PLCL1: variants seen among roughly 807,000 people sequenced by gnomAD.
The protein encoded by PLCL1 is phospholipase C like 1 (inactive), also known as inactive phospholipase C-like protein 1.
A neutral mutation model predicts 84.4 loss-of-function variants in PLCL1; 41 were observed. The observed-to-expected ratio is 0.49, with a 90% CI of 0.38 to 0.63. The LOEUF (loss-of-function observed/expected upper bound fraction) is 0.63, where lower values mean the gene tolerates loss of function less well. PLCL1 is among the 30% of genes least tolerant of loss of function. The pLI, the probability that PLCL1 is intolerant of heterozygous loss-of-function variation, is 0.00. For missense variants in PLCL1, 1,206 were observed against 1,367.8 expected (o/e 0.88, Z 1.87); for synonymous variants, 490 against 488.3 (o/e 1.00, Z -0.05).
intron 1 of PLCL1, among the ~76,000 whole-genome samples, chr2:197,974,663 C>G (rs893959799): frequency 2.6e-5 from 4 of 152,214 alleles, no homozygotes; most frequent in Non-Finnish European, 5.9e-5. Flanking sequence ...TGAATTAGTG[C>G]AGAGTTTAAT....
intron 1 of PLCL1, among the ~76,000 whole-genome samples, chr2:197,948,311 TG>T (rs1014098217): frequency 6.6e-6 from 1 of 152,188 alleles, no homozygotes; most frequent in Non-Finnish European, 1.5e-5. Flanking sequence ...AATTTTGTTT[TG>T]GATTTATTAA....
chr2:198,033,551 T>C (rs1691481610), intron 1 of PLCL1, among the ~76,000 whole-genome samples: 1 of 152,154 alleles, frequency 6.6e-6, no homozygotes, highest in African/African-American at 2.4e-5. Context: ...GGTATCTGAG[T>C]CTCTGTATTT....
intron 1 of PLCL1, among the ~76,000 whole-genome samples, chr2:197,974,359 G>A (rs1316197454): frequency 6.6e-6 from 1 of 152,164 alleles, no homozygotes; most frequent in Non-Finnish European, 1.5e-5. Context: ...ATAAGTAAAA[G>A]TTTAAACCAG....
At chr2:197,998,983 A>G (rs1271808985) in intron 1 of PLCL1, among the ~76,000 whole-genome samples, 2 of 152,218 alleles carry the variant, frequency 1.3e-5, no homozygotes, top group Non-Finnish European at 2.9e-5. Context: ...ATTCATTTTC[A>G]GAACTAGTGA....
intron 1 of PLCL1, among the ~76,000 whole-genome samples, chr2:197,809,500 T>G (rs1241426778): frequency 6.6e-6 from 1 of 152,188 alleles, no homozygotes; most frequent in South Asian, 2.1e-4. Flanking sequence ...GTTCAGAACA[T>G]TTGGAGGTTG....
intron 1 of PLCL1, among the ~76,000 whole-genome samples, chr2:197,957,832 G>T (rs1402251823): frequency 6.6e-6 from 1 of 151,904 alleles, no homozygotes; most frequent in Admixed American, 6.6e-5. Flanking sequence ...TGTGATAATT[G>T]TTGGTTTCCA....
chr2:197,998,680 A>G (rs1690526747), intron 1 of PLCL1, among the ~76,000 whole-genome samples: 1 of 152,178 alleles, frequency 6.6e-6, no homozygotes, highest in Admixed American at 6.5e-5. Context: ...CTCCACAGGC[A>G]GTTGCTCCAA....
intron 4 of PLCL1, among the ~76,000 whole-genome samples, chr2:198,103,564 C>CT (rs1491581595): frequency 6.6e-6 from 1 of 151,910 alleles, no homozygotes; most frequent in African/African-American, 2.4e-5. Context: ...ATAGAATTTA[C>CT]TTTTTTCCTT....
chr2:198,101,896 A>C (rs1025220052), intron 4 of PLCL1, among the ~76,000 whole-genome samples: 1 of 152,044 alleles, frequency 6.6e-6, no homozygotes, highest in Non-Finnish European at 1.5e-5. Flanking sequence ...CTGGATCCAC[A>C]ACCTTCTCTA....
intron 1 of PLCL1, among the ~76,000 whole-genome samples, chr2:197,903,649 ATTTTTTTTTTTTTTTTTT>A (rs11295926): frequency 1.4e-5 from 1 of 72,436 alleles, no homozygotes; most frequent in African/African-American, 5.5e-5. Flanking sequence ...ACGCCCAGCT[ATTTTTTTTTTTTTTTTTT>A]TTTTTTTTTG....
chr2:197,812,653 T>C (rs1690610824), intron 1 of PLCL1, among the ~76,000 whole-genome samples: 1 of 152,218 alleles, frequency 6.6e-6, no homozygotes, highest in Non-Finnish European at 1.5e-5. Context: ...AGGCAATATG[T>C]ATAAGCAGGC....
At chr2:197,878,605 C>T (rs1687777769) in intron 1 of PLCL1, among the ~76,000 whole-genome samples, 1 of 152,060 alleles carries the variant, frequency 6.6e-6, no homozygotes, top group South Asian at 2.1e-4. Flanking sequence ...CAGAAATTAT[C>T]TGTGATCCTG....
At chr2:198,092,847 T>C (rs1693081474) in intron 3 of PLCL1, among the ~76,000 whole-genome samples, 1 of 152,214 alleles carries the variant, frequency 6.6e-6, no homozygotes, top group African/African-American at 2.4e-5. Flanking sequence ...GTATATTTAT[T>C]ACTGTCACCT....
intron 1 of PLCL1, among the ~76,000 whole-genome samples, chr2:197,875,140 G>T (rs1157340254): frequency 2.0e-5 from 3 of 152,078 alleles, no homozygotes; most frequent in African/African-American, 4.8e-5. Flanking sequence ...ACAAAAACTA[G>T]CTGGGTGTGG....
rs149954398 is a variant in PLCL1 at position 197,963,289 on chromosome 2, G to A, written c.241-120469G>A. ...GGTTAAAAGCCATTTTAACTGGGGC[G>A]AGATGATATCTCATTGTAGTTTTGA... On this transcript the variant is annotated intron_variant, in intron 1 of 5. Transcript: ENST00000428675. Among the ~76,000 whole-genome samples the A allele has an allele frequency of 5.1e-3, 771 of 152,190 alleles. 8 individuals are homozygous for A. Among genetic ancestry groups the A allele is most frequent in the African/African-American group, 0.016 (685 of 41,554 alleles).
intron 5 of PLCL1, among the ~76,000 whole-genome samples, chr2:198,142,295 C>T (rs948365906): frequency 2.0e-4 from 31 of 152,092 alleles, no homozygotes; most frequent in African/African-American, 4.3e-4. Flanking sequence ...AACTGGTTTA[C>T]GTTTAGTATA....
intron 5 of PLCL1, among the ~76,000 whole-genome samples, chr2:198,143,316 A>G (rs1318178571): frequency 6.6e-6 from 1 of 152,168 alleles, no homozygotes; most frequent in Non-Finnish European, 1.5e-5. Flanking sequence ...GTCGCTGCTG[A>G]TGTGACAGGA....
chr2:197,994,092 A>T (rs1423573812), intron 1 of PLCL1, among the ~76,000 whole-genome samples: 2 of 152,244 alleles, frequency 1.3e-5, no homozygotes, highest in African/African-American at 2.4e-5. Flanking sequence ...TAAAAATTCC[A>T]CTGAAGCTCC....
chr2:197,811,321 G>C (rs1206652636), intron 1 of PLCL1, among the ~76,000 whole-genome samples: 2 of 152,200 alleles, frequency 1.3e-5, no homozygotes, highest in African/African-American at 4.8e-5. Context: ...ATAGTATGAC[G>C]AAGTATTGGA....
Sources: gnomAD v4.1 joint callset for allele counts (sites outside exome capture counted in the v4.1 genomes callset) on GRCh38, gnomAD v4.1.1 for gene constraint, MANE v1.5 for transcripts, NCBI Gene and HGNC (gene_info 2026-07-23, HGNC 2026-07-21) for gene names.